Variants in CDKL1 observed in about 807,000 individuals in gnomAD.
CDKL1 encodes cyclin dependent kinase like 1.
Under a neutral mutation model 42.0 loss-of-function variants are expected in CDKL1, and 41 were observed. That is an observed-to-expected ratio of 0.98 (90% CI 0.76 to 1.27). The LOEUF is 1.27. CDKL1 is among the 50% of genes most tolerant of loss of function. CDKL1 has a pLI of 0.00. For missense variants in CDKL1, 394 were observed against 428.4 expected, an observed-to-expected ratio of 0.92 and a Z score of 0.71; for synonymous variants, 153 against 158.6, an observed-to-expected ratio of 0.96 and a Z score of 0.26.
chr14:50,390,729 C>G (rs748729752), intron 2 of CDKL1, among the ~76,000 whole-genome samples: 9 of 152,268 alleles, frequency 5.9e-5, no homozygotes, highest in Non-Finnish European at 1.2e-4. Context: ...AGATATTCCC[C>G]TAGGGGCTGC....
In CDKL1 at chr14:50,363,555, C is replaced by G. The variant is rs947263037; in HGVS notation, c.169-4406G>C. ...AATAATCATCCTTAGGCTTTACTTTCATTTTCACACTATTTGCTCCCTTGA... is the reference window on the plus strand; with the variant it reads ...AATAATCATCCTTAGGCTTTACTTTGATTTTCACACTATTTGCTCCCTTGA... On this transcript the variant is annotated intron_variant, in intron 2 of 9. Transcript: ENST00000395834. 2.6e-5 allele frequency among the ~76,000 whole-genome samples: 4 copies of G among 152,184 alleles called. No individual in the cohort carries two copies. In the East Asian group the frequency reaches 7.7e-4, roughly 29 times the overall value.
chr14:50,357,877 C>T (rs1566589582), intron 3 of CDKL1: 1 of 391,308 alleles, frequency 2.6e-6, no homozygotes, highest in Non-Finnish European at 4.9e-6. Context: ...CTCCCAAATC[C>T]ACCATATAAG....
intron 2 of CDKL1, chr14:50,363,837 C>T (rs1461008114): frequency 1.3e-5 from 2 of 152,368 alleles, no homozygotes; most frequent in East Asian, 1.9e-4. Flanking sequence ...CATTTGGCCT[C>T]TGCTTACCTC....
At position 50,346,651 on chromosome 14, in the gene CDKL1, G is replaced by GTTTTTTTTTT. The variant is rs375954757; in HGVS notation, c.291-1594_291-1593insAAAAAAAAAA. 3.2e-5 allele frequency among the ~76,000 whole-genome samples: 4 copies of GTTTTTTTTTT among 123,636 alleles called. 1 individual carries two copies. Among genetic ancestry groups the GTTTTTTTTTT allele is most frequent in the South Asian group, 2.3e-4 (1 of 4,288 alleles). 81.1% of individuals were successfully genotyped at this position (123,636 alleles called of 152,430 possible). A position where few individuals can be genotyped will look rare whatever the true frequency, so the allele number is the denominator to read the frequency against. ...TGATTATTCAATAAATTAAATTTTT[G>GTTTTTTTTTT]GTTTTTTTTTTTTTTTTGAGATGGA... On this transcript the variant is annotated intron_variant, in intron 3 of 9. Transcript: ENST00000395834.
chr14:50,362,477 C>T, intron 2 of CDKL1: 1 of 196,500 alleles, frequency 5.1e-6, no homozygotes, highest in Non-Finnish European at 1.1e-5. Context: ...CTGGGTCTAG[C>T]TCAGGGTTTG....
At chr14:50,332,975 A>T (rs1667949860) in intron 8 of CDKL1, 1 of 264,726 alleles carries the variant, frequency 3.8e-6, no homozygotes, top group Admixed American at 5.3e-5. Context: ...ATGATCATGT[A>T]TATAAGGAGA....
chr14:50,347,368 G>A (rs780411977), intron 3 of CDKL1, among the ~76,000 whole-genome samples: 4 of 152,222 alleles, frequency 2.6e-5, no homozygotes, highest in Non-Finnish European at 5.9e-5. Context: ...GAGACAGCGT[G>A]AGAGTGCTGT....
At chr14:50,347,118 C>G (rs1298587417) in intron 3 of CDKL1, among the ~76,000 whole-genome samples, 2 of 152,182 alleles carry the variant, frequency 1.3e-5, no homozygotes, top group Non-Finnish European at 2.9e-5. Context: ...ACAAAACTCT[C>G]AAATGTAAAA....
intron 2 of CDKL1, among the ~76,000 whole-genome samples, chr14:50,360,434 G>A (rs2034202375): frequency 1.3e-5 from 2 of 152,036 alleles, no homozygotes; most frequent in South Asian, 4.1e-4. Context: ...TTGAGACGGA[G>A]TCTCACTCTA....
At chr14:50,337,324 C>G (rs989679093) in intron 7 of CDKL1, among the ~76,000 whole-genome samples, 1 of 149,126 alleles carries the variant, frequency 6.7e-6, no homozygotes, top group Non-Finnish European at 1.5e-5. Flanking sequence ...TGTTTTATAA[C>G]CGTCTTTTTT....
rs1312794830 is a variant in CDKL1, at chr14:50,385,555, C to T, written c.168+10146G>A. Among the ~76,000 whole-genome samples the T allele has an allele frequency of 2.6e-5, 4 of 151,944 alleles. No individual in the cohort carries two copies. The East Asian group carries it at 5.8e-4, about 22-fold the overall frequency. On this transcript the variant is annotated intron_variant, in intron 2 of 9. Coordinates refer to ENST00000395834, the MANE Select transcript of CDKL1 (RefSeq NM_004196.7). ...GCGTGGTGGCTCACACCTGTAATCC[C>T]AGCACTTTGGGAGGCCAAGGCGGGT...
rs376724998 is a variant in CDKL1 at position 50,358,431 on chromosome 14, T to C, written c.290+597A>G. Among the ~76,000 whole-genome samples the C allele has an allele frequency of 1.6e-4, 25 of 152,252 alleles. No homozygotes were observed. The South Asian group carries it at 5.0e-3, about 30-fold the overall frequency. ...CCCTGGTCAGGCATAGACTAACTAA[T>C]ATCCTTCCTTTTCTTAGAGACTGAG... On this transcript the variant is annotated intron_variant, in intron 3 of 9. Transcript: ENST00000395834.
chr14:50,389,036 T>C (rs2035170003), intron 2 of CDKL1, among the ~76,000 whole-genome samples: 1 of 141,912 alleles, frequency 7.0e-6, no homozygotes, highest in Non-Finnish European at 1.5e-5. Context: ...GAGGCAGAGG[T>C]TGCAGTGAGC....
At position 50,326,298 on chromosome 14, in the gene CDKL1, T is replaced by G; in HGVS notation, c.*3776A>C. On this transcript the variant is annotated 3_prime_UTR_variant, in exon 10 of 10. Coordinates refer to ENST00000395834, the MANE Select transcript of CDKL1 (RefSeq NM_004196.7). ...CTAATATATTCATTTAATATGTAAA[T>G]CTATAGATATCTCTTGATGTAGATA... 2.0e-6 allele frequency: 1 copy of G among 491,742 alleles called. No homozygotes were observed. Among genetic ancestry groups the G allele is most frequent in the Non-Finnish European group, 2.6e-6 (1 of 379,404 alleles). 30.5% of individuals were successfully genotyped at this position (491,742 alleles called of 1,614,324 possible). A position where few individuals can be genotyped will look rare whatever the true frequency, so the allele number is the denominator to read the frequency against.
At chr14:50,390,671 A>G (rs984141704) in intron 2 of CDKL1, among the ~76,000 whole-genome samples, 2 of 151,744 alleles carry the variant, frequency 1.3e-5, no homozygotes, top group Non-Finnish European at 2.9e-5. Flanking sequence ...TATGGTTTGT[A>G]TTTGTTTTGA....
chr14:50,345,924 G>A (rs2033711185), intron 3 of CDKL1, among the ~76,000 whole-genome samples: 1 of 152,074 alleles, frequency 6.6e-6, no homozygotes, highest in African/African-American at 2.4e-5. Context: ...ATCTCGCCTG[G>A]AAACATTTAA....
intron 2 of CDKL1, among the ~76,000 whole-genome samples, chr14:50,376,926 G>A (rs1367543691): frequency 6.6e-6 from 1 of 151,954 alleles, no homozygotes; most frequent in Non-Finnish European, 1.5e-5. Flanking sequence ...AATGAGGGAA[G>A]CCCTCACTGA....
At chr14:50,339,311 G>A (rs1300409947) in intron 6 of CDKL1, among the ~76,000 whole-genome samples, 2 of 152,024 alleles carry the variant, frequency 1.3e-5, no homozygotes, top group African/African-American at 4.8e-5. Context: ...GTGTACTGAA[G>A]GAACCCAAAC....
intron 2 of CDKL1, among the ~76,000 whole-genome samples, chr14:50,364,234 C>T (rs1191343844): frequency 6.6e-6 from 1 of 152,192 alleles, no homozygotes; most frequent in Admixed American, 6.5e-5. Flanking sequence ...CTTTGGGAGG[C>T]CAAGGCAGGC....
Sources: gnomAD v4.1 joint callset for allele counts (sites outside exome capture counted in the v4.1 genomes callset) on GRCh38, gnomAD v4.1.1 for gene constraint, MANE v1.5 for transcripts, NCBI Gene and HGNC (gene_info 2026-07-23, HGNC 2026-07-21) for gene names.